BTBD9: variants seen among roughly 807,000 people sequenced by gnomAD.
BTBD9 encodes BTB domain containing 9.
In BTBD9, 49 loss-of-function variants were observed where a neutral mutation model predicts 64.3. That is an observed-to-expected ratio of 0.76 (90% CI 0.61 to 0.97). The LOEUF is 0.97. Ranked by LOEUF, BTBD9 falls within the 50% of genes least tolerant of loss-of-function variation. The probability of loss-of-function intolerance (pLI) is 0.00; values close to 1 mark genes in which losing one functional copy is unlikely to be tolerated. For synonymous variants in BTBD9, 260 were observed against 274.7 expected (o/e 0.95, Z 0.53); for missense variants, 598 against 762.1 (o/e 0.78, Z 2.53).
intron 6 of BTBD9, among the ~76,000 whole-genome samples, chr6:38,404,882 C>A (rs1767096364): frequency 6.6e-6 from 1 of 152,158 alleles, no homozygotes; most frequent in South Asian, 2.1e-4. Context: ...AGAAAAGAGA[C>A]AAATTCAGAA....
intron 7 of BTBD9, among the ~76,000 whole-genome samples, chr6:38,304,105 G>GTA (rs1234385143): frequency 2.0e-5 from 3 of 151,542 alleles, no homozygotes; most frequent in Admixed American, 1.3e-4. Context: ...TCACATGTAT[G>GTA]TATATATATC....
chr6:38,567,906 G>T (rs1415691239), intron 6 of BTBD9, among the ~76,000 whole-genome samples: 1 of 152,062 alleles, frequency 6.6e-6, no homozygotes, highest in Non-Finnish European at 1.5e-5. Context: ...AAAAATAGCA[G>T]TGTTAAAAGG....
At position 38,592,616 on chromosome 6, in the gene BTBD9, A is replaced by G. The variant is rs1049998307; in HGVS notation, c.774T>C (p.Ser258=). The stretch of plus-strand genomic sequence containing the variant: ...AATTGAGGTCCATATCCCGGCTCTC[A>G]GATCGCACTTTAATGGCATCCAGGA... ...DAILDAIKVR[S]ESRDMDLNYR... Residue 258 remains serine (S), a synonymous_variant, in exon 4 of 11, where the codon TCT becomes TCC. Coordinates refer to ENST00000481247, the MANE Select transcript of BTBD9 (RefSeq NM_001099272.2). 6.2e-7 allele frequency: 1 copy of G among 1,614,146 alleles called. No individual in the cohort carries two copies. The highest frequency in any genetic ancestry group is 1.7e-5 in the Admixed American group (1 of 60,020).
intron 1 of BTBD9, among the ~76,000 whole-genome samples, chr6:38,621,753 C>T (rs1033755931): frequency 2.6e-5 from 4 of 152,162 alleles, no homozygotes; most frequent in Admixed American, 6.5e-5. Context: ...TACAAAAACC[C>T]AAGGAGGTGG....
At chr6:38,308,559 G>A (rs751647845) in intron 7 of BTBD9, among the ~76,000 whole-genome samples, 4 of 152,152 alleles carry the variant, frequency 2.6e-5, no homozygotes, top group Non-Finnish European at 5.9e-5. Flanking sequence ...CCTAAAAGAT[G>A]TTCAAATTGT....
chr6:38,215,505 AGC>A (rs1762984636), intron 9 of BTBD9, among the ~76,000 whole-genome samples: 4 of 152,362 alleles, frequency 2.6e-5, no homozygotes, highest in Middle Eastern at 6.8e-3. Context: ...AGGCCCTGTT[AGC>A]GCTGGATGAC....
chr6:38,591,345 C>T (rs1166899852), intron 4 of BTBD9, among the ~76,000 whole-genome samples: 2 of 152,172 alleles, frequency 1.3e-5, no homozygotes, highest in Non-Finnish European at 2.9e-5. Flanking sequence ...TTATACTATT[C>T]AAATCAAATG....
At chr6:38,195,469 C>T (rs999572864) in intron 9 of BTBD9, among the ~76,000 whole-genome samples, 2 of 152,156 alleles carry the variant, frequency 1.3e-5, no homozygotes, top group African/African-American at 2.4e-5. Context: ...GGTGTTTGAA[C>T]AGGAGCAGTG....
chr6:38,626,153 A>C (rs892731789), intron 1 of BTBD9, among the ~76,000 whole-genome samples: 2 of 152,224 alleles, frequency 1.3e-5, no homozygotes, highest in African/African-American at 4.8e-5. Context: ...ACATACTTAA[A>C]AAAAATTTTA....
chr6:38,525,965 C>T (rs901857112), intron 6 of BTBD9, among the ~76,000 whole-genome samples: 13 of 152,318 alleles, frequency 8.5e-5, no homozygotes, highest in African/African-American at 3.1e-4. Context: ...GAAAAACCCA[C>T]TTTCTGGGGA....
intron 7 of BTBD9, among the ~76,000 whole-genome samples, chr6:38,333,151 C>T (rs114812465): frequency 3.0e-4 from 45 of 152,298 alleles, no homozygotes; most frequent in African/African-American, 1.1e-3. Context: ...CAGATGCTGG[C>T]CATGTAAAGA....
chr6:38,513,512 C>A (rs1772870187), intron 6 of BTBD9, among the ~76,000 whole-genome samples: 1 of 151,728 alleles, frequency 6.6e-6, no homozygotes, highest in Non-Finnish European at 1.5e-5. Context: ...ACGACACTTC[C>A]AACAACTCCA....
At chr6:38,532,452 C>A (rs184692388) in intron 6 of BTBD9, among the ~76,000 whole-genome samples, 2 of 152,272 alleles carry the variant, frequency 1.3e-5, no homozygotes, top group East Asian at 3.9e-4. Flanking sequence ...TACTGAGACA[C>A]CAGCTAAGGA....
At chr6:38,304,642 A>G (rs1172673551) in intron 7 of BTBD9, among the ~76,000 whole-genome samples, 1 of 152,026 alleles carries the variant, frequency 6.6e-6, no homozygotes, top group Non-Finnish European at 1.5e-5. Flanking sequence ...CAGGGTCTCT[A>G]CATGGCCCAG....
chr6:38,544,763 C>T (rs1413147066), intron 6 of BTBD9, among the ~76,000 whole-genome samples: 2 of 151,652 alleles, frequency 1.3e-5, no homozygotes, highest in Non-Finnish European at 2.9e-5. Context: ...CCTGTCTCTA[C>T]TAAAAATACA....
intron 1 of BTBD9, among the ~76,000 whole-genome samples, chr6:38,611,731 CTATT>C (rs1166943581): frequency 1.3e-5 from 2 of 152,184 alleles, no homozygotes; most frequent in Non-Finnish European, 2.9e-5. Flanking sequence ...TATCTCTCAA[CTATT>C]TATCATCAAA....
chr6:38,306,919 T>C (rs929369197), intron 7 of BTBD9, among the ~76,000 whole-genome samples: 6 of 152,238 alleles, frequency 3.9e-5, no homozygotes, highest in African/African-American at 1.4e-4. Context: ...CATTACAAAA[T>C]TGTTTTCTAA....
intron 9 of BTBD9, among the ~76,000 whole-genome samples, chr6:38,238,474 TTTG>T (rs932581845): frequency 6.9e-6 from 1 of 145,294 alleles, no homozygotes; most frequent in African/African-American, 2.6e-5. Flanking sequence ...ACCAAGGTTT[TTTG>T]TTTTTTTTTT....
chr6:38,198,391 C>T (rs531965238), intron 9 of BTBD9, among the ~76,000 whole-genome samples: 73 of 152,158 alleles, frequency 4.8e-4, no homozygotes, highest in African/African-American at 1.5e-3. Flanking sequence ...AATGTACGGT[C>T]GCCATCAGCA....
Sources: gnomAD v4.1 joint callset for allele counts (sites outside exome capture counted in the v4.1 genomes callset) on GRCh38, gnomAD v4.1.1 for gene constraint, MANE v1.5 for transcripts, NCBI Gene and HGNC (gene_info 2026-07-23, HGNC 2026-07-21) for gene names.